Variants in GLRB observed in about 807,000 individuals in gnomAD.
The protein encoded by GLRB is glycine receptor subunit beta.
A neutral mutation model predicts 54.2 loss-of-function variants in GLRB; 33 were observed. The ratio of observed to expected loss-of-function variants is 0.61; its 90% CI spans 0.46 to 0.81. The LOEUF (loss-of-function observed/expected upper bound fraction) is 0.81, where lower values mean the gene tolerates loss of function less well. Among genes scored for constraint, GLRB ranks in the 40% least tolerant of loss-of-function variants. The probability of loss-of-function intolerance (pLI) is 0.00; values close to 1 mark genes in which losing one functional copy is unlikely to be tolerated. For missense variants in GLRB, 572 were observed against 584.6 expected (o/e 0.98, Z 0.22); for synonymous variants, 209 against 208.2 (o/e 1.00, Z -0.03).
intron 2 of GLRB, among the ~76,000 whole-genome samples, chr4:157,082,682 A>G (rs1032649886): frequency 1.3e-5 from 2 of 152,154 alleles, no homozygotes; most frequent in Non-Finnish European, 2.9e-5. Flanking sequence ...TTTTGGCCTC[A>G]TCATAGTCAA....
In GLRB at chr4:157,171,987, A is replaced by G. The variant is rs1157588128; in HGVS notation, c.*1259A>G. On this transcript the variant is annotated 3_prime_UTR_variant, in exon 10 of 10. Transcript: ENST00000264428. ...AAAACTATCAGTAATTCACATAGAT[A>G]AACATAAGACTAAAGAAGTATATTT... 1 of 151,892 alleles carries G rather than the reference A, an allele frequency of 6.6e-6. No homozygotes were observed. Among genetic ancestry groups the G allele is most frequent in the African/African-American group, 2.4e-5 (1 of 41,434 alleles). 9.4% of individuals were successfully genotyped at this position (151,892 alleles called of 1,614,324 possible). A position where few individuals can be genotyped will look rare whatever the true frequency, so the allele number is the denominator to read the frequency against.
chr4:157,121,538 A>T (rs1456081852), intron 3 of GLRB, among the ~76,000 whole-genome samples: 1 of 151,406 alleles, frequency 6.6e-6, no homozygotes, highest in Non-Finnish European at 1.5e-5. Context: ...CTATGTTGTA[A>T]AAATGGGTTT....
In GLRB at chr4:157,136,547, G is replaced by C. The variant is rs1477944619; in HGVS notation, c.376G>C (p.Asp126His). ...LKLPSDFRGS[D>H]ALTVDPTMYK... ...GCTCCCCAGTGATTTTAGGGGTTCA[G>C]ATGCACTGACAGTGGATCCAACAAT... Residue 126 changes from aspartate (D) to histidine (H), a missense_variant, in exon 5 of 10, where the codon GAT (aspartate) becomes CAT (histidine). Physicochemically the swap from Asp to His is moderately conservative, Grantham distance 81 (BLOSUM62 -1). Transcript: ENST00000264428. 2 of 1,612,846 alleles carry C rather than the reference G, an allele frequency of 1.2e-6. No homozygotes were observed. The highest frequency in any genetic ancestry group is 1.3e-5 in the African/African-American group (1 of 74,882).
Position 157,170,385 on chromosome 4 carries a change from G to A in GLRB, c.1198-47G>A, listed in dbSNP as rs147021967. 5.4e-4 allele frequency: 601 copies of A among 1,110,504 alleles called. 4 individuals are homozygous for A. In the African/African-American group the frequency reaches 7.4e-3, roughly 14 times the overall value. 68.8% of individuals were successfully genotyped at this position (1,110,504 alleles called of 1,614,324 possible). A position where few individuals can be genotyped will look rare whatever the true frequency, so the allele number is the denominator to read the frequency against. On this transcript the variant is annotated intron_variant, in intron 9 of 9. Coordinates refer to ENST00000264428, the MANE Select transcript of GLRB (RefSeq NM_000824.5). ...AATATCGTTTGAAGAGATGTGTTTC[G>A]TAAGTAGAAAAGTTTTAAATACATT...
At chr4:157,150,476 C>T (rs1736980071) in intron 8 of GLRB, among the ~76,000 whole-genome samples, 5 of 151,998 alleles carry the variant, frequency 3.3e-5, no homozygotes, top group Admixed American at 3.3e-4. Flanking sequence ...TAAAGACAAT[C>T]CTTTCATCTG....
chr4:157,165,632 A>T (rs1405798771), intron 9 of GLRB, among the ~76,000 whole-genome samples: 1 of 151,654 alleles, frequency 6.6e-6, no homozygotes, highest in Non-Finnish European at 1.5e-5. Flanking sequence ...TGTCTGGAGG[A>T]TTTTTTTTCC....
chr4:157,167,674 TCA>T (rs756023906), intron 9 of GLRB, among the ~76,000 whole-genome samples: 4 of 152,352 alleles, frequency 2.6e-5, no homozygotes, highest in Non-Finnish European at 2.9e-5. Context: ...TTTCTCTCTC[TCA>T]CTCTTTCGAC....
chr4:157,122,329 G>A lies in GLRB; in HGVS notation c.230-1G>A. 3.3e-6 allele frequency: 4 copies of A among 1,211,546 alleles called. No individual in the cohort carries two copies. The highest frequency in any genetic ancestry group is 4.8e-6 in the Non-Finnish European group (4 of 829,204). The allele number at this position is 1,211,546 out of a possible 1,614,324, so 75.0% of individuals were successfully genotyped here. ...AATATATTCTTAATTTTTATTCATA[G>A]GCATTCCTGTTGATGTAGTAGTCAA... is the stretch of plus-strand genomic sequence containing the variant. On this transcript the variant is annotated splice_acceptor_variant, in intron 3 of 9. Transcript: ENST00000264428. LOFTEE classifies it high-confidence loss of function.
chr4:157,167,526 C>A (rs1275365015), intron 9 of GLRB, among the ~76,000 whole-genome samples: 3 of 151,936 alleles, frequency 2.0e-5, no homozygotes, highest in South Asian at 4.1e-4. Context: ...AGGTGGTGGA[C>A]AAATTGATGA....
intron 4 of GLRB, among the ~76,000 whole-genome samples, chr4:157,126,522 C>A (rs1736021410): frequency 6.6e-6 from 1 of 151,670 alleles, no homozygotes; most frequent in Non-Finnish European, 1.5e-5. Flanking sequence ...GTAGCATCAC[C>A]AAAATTGTCA....
rs774224181 is a variant in GLRB at position 157,171,835 on chromosome 4, G to A, written c.*1107G>A. The A allele has an allele frequency of 1.3e-5, 2 of 151,620 alleles. No individual in the cohort carries two copies. Among genetic ancestry groups the A allele is most frequent in the Non-Finnish European group, 3.0e-5 (2 of 67,710 alleles). 9.4% of individuals were successfully genotyped at this position (151,620 alleles called of 1,614,324 possible). On this transcript the variant is annotated 3_prime_UTR_variant, in exon 10 of 10. Transcript: ENST00000264428. ...TATTTTCTTTCTTGTTAAAAGTCTAGACAACTGAGATTTACTTACTTTGAA... is the reference window on the plus strand; with the variant it reads ...TATTTTCTTTCTTGTTAAAAGTCTAAACAACTGAGATTTACTTACTTTGAA...
chr4:157,097,033 G>T (rs1734838766), intron 2 of GLRB, among the ~76,000 whole-genome samples: 1 of 152,094 alleles, frequency 6.6e-6, no homozygotes, highest in Non-Finnish European at 1.5e-5. Context: ...GCAATAAACT[G>T]CCCTCCTTTC....
Position 157,152,128 on chromosome 4 carries a change from T to C in GLRB, c.905-590T>C, listed in dbSNP as rs527694092. Among the ~76,000 whole-genome samples the C allele has an allele frequency of 1.9e-4, 29 of 152,316 alleles. No individual in the cohort carries two copies. The South Asian group carries it at 4.6e-3, about 24-fold the overall frequency. On this transcript the variant is annotated intron_variant, in intron 8 of 9. Transcript: ENST00000264428. ...TTAGTGTATAATGTGTTAGCTTTCA[T>C]TGAAGGGTTACCATTACATGGAGCA...
intron 7 of GLRB, among the ~76,000 whole-genome samples, chr4:157,139,288 TTTTAGATATAAACAA>T (rs992351003): frequency 5.3e-5 from 8 of 152,100 alleles, no homozygotes; most frequent in Non-Finnish European, 7.4e-5. Flanking sequence ...GGGCTGAACA[TTTTAGATATAAACAA>T]TATAATCCAT....
intron 7 of GLRB, among the ~76,000 whole-genome samples, chr4:157,140,273 T>C (rs1401553444): frequency 6.6e-6 from 1 of 151,996 alleles, no homozygotes; most frequent in Non-Finnish European, 1.5e-5. Context: ...AGTGATCTAA[T>C]TGATAATTCT....
At chr4:157,155,046 T>A (rs1392213358) in intron 9 of GLRB, among the ~76,000 whole-genome samples, 2 of 152,200 alleles carry the variant, frequency 1.3e-5, no homozygotes, top group Non-Finnish European at 2.9e-5. Context: ...AAGAAAATGT[T>A]ATTGTATATT....
chr4:157,120,720 T>TTCTC, intron 3 of GLRB, 58 bp downstream of exon 3: 1 of 817,162 alleles, frequency 1.2e-6, no homozygotes, highest in South Asian at 1.4e-5. Context: ...TTTTATATGT[T>TTCTC]TAGAGATTTG....
intron 2 of GLRB, among the ~76,000 whole-genome samples, chr4:157,104,468 G>A (rs930135435): frequency 6.6e-6 from 1 of 150,902 alleles, no homozygotes; most frequent in Non-Finnish European, 1.5e-5. Flanking sequence ...TTAGTATTTT[G>A]TTTAGGAGGT....
At chr4:157,111,958 G>T (rs1735435207) in intron 2 of GLRB, among the ~76,000 whole-genome samples, 1 of 151,710 alleles carries the variant, frequency 6.6e-6, no homozygotes, top group Non-Finnish European at 1.5e-5. Context: ...AGTTCTGTTG[G>T]TGCCACACAC....
Sources: gnomAD v4.1 joint callset for allele counts (sites outside exome capture counted in the v4.1 genomes callset) on GRCh38, gnomAD v4.1.1 for gene constraint, MANE v1.5 for transcripts, NCBI Gene and HGNC (gene_info 2026-07-23, HGNC 2026-07-21) for gene names.